NBPF20: variants seen among roughly 807,000 people sequenced by gnomAD.
NBPF20 encodes the protein NBPF family member NBPF20.
Under a neutral mutation model 68.1 loss-of-function variants are expected in NBPF20, and 90 were observed. The ratio of observed to expected loss-of-function variants is 1.32; its 90% CI spans 1.11 to 1.58. The LOEUF (loss-of-function observed/expected upper bound fraction) is 1.58, where lower values mean the gene tolerates loss of function less well. Among genes scored for constraint, NBPF20 ranks in the 40% most tolerant of loss-of-function variants. The pLI is 0.00. For missense variants in NBPF20, 816 were observed against 601.2 expected, an observed-to-expected ratio of 1.36 and a Z score of -3.74; for synonymous variants, 290 against 228.1, an observed-to-expected ratio of 1.27 and a Z score of -2.45.
chr1:145,291,822 G>A lies in NBPF20; in HGVS notation c.16698-53C>T, dbSNP rs1416634913. On this transcript the variant is annotated intron_variant, in intron 137 of 137. Transcript: ENST00000369373. The stretch of plus-strand genomic sequence containing the variant: ...CAGCCAGGGAAAATCAGAAACCACA[G>A]AGCCCCACTAGATTTCAGAAGTCAC... The A allele has an allele frequency of 3.7e-6, 6 of 1,611,556 alleles. No homozygotes were observed. The African/African-American group carries it at 6.7e-5, about 18-fold the overall frequency.
chr1:145,410,102 T>C (rs1662949077), upstream of NBPF20, among the ~76,000 whole-genome samples: 1 of 152,012 alleles, frequency 6.6e-6, no homozygotes, highest in Admixed American at 6.6e-5. Context: ...TAAGAAACTG[T>C]TAGATTTTCA....
upstream of NBPF20, among the ~76,000 whole-genome samples, chr1:145,406,819 A>T (rs1178051498): frequency 7.7e-6 from 1 of 130,064 alleles, no homozygotes; most frequent in Non-Finnish European, 1.6e-5. Context: ...TTGCTGTATT[A>T]TATAGCAAAT....
upstream of NBPF20, among the ~76,000 whole-genome samples, chr1:145,409,219 G>A (rs1553668438): frequency 6.6e-6 from 1 of 151,852 alleles, no homozygotes; most frequent in Non-Finnish European, 1.5e-5. Flanking sequence ...CATCTGTAAT[G>A]TCTCGTAAAT....
the NBPF20 span, among the ~76,000 whole-genome samples, chr1:145,410,787 C>CATAT: frequency 6.7e-4 from 77 of 115,014 alleles, 1 homozygote; most frequent in Non-Finnish European, 1.1e-3. Flanking sequence ...TATACACACA[C>CATAT]ATATATATAC....
At chr1:145,335,038 T>C (rs1661568937) in intron 83 of NBPF20, among the ~76,000 whole-genome samples, 1 of 62,838 alleles carries the variant, frequency 1.6e-5, no homozygotes, top group African/African-American at 5.7e-5. Context: ...TGAGGTATGG[T>C]CAACCTATAG....
intron 9 of NBPF20, 97 bp downstream of exon 14, chr1:145,393,787 A>C (rs1467398355): frequency 7.3e-7 from 1 of 1,369,142 alleles, no homozygotes; most frequent in Non-Finnish European, 1.0e-6. Flanking sequence ...TTGTCTGACA[A>C]GACAAAATCA....
chr1:145,393,220 T>G, exon 10 of NBPF20: 1 of 620,504 alleles, frequency 1.6e-6, no homozygotes, highest in Non-Finnish European at 2.8e-6. Flanking sequence ...TTCAGGCCCT[T>G]TCTCATCCAG....
exon 2 of NBPF20, chr1:145,405,136 T>A: frequency 3.1e-6 from 5 of 1,613,768 alleles, no homozygotes; most frequent in Non-Finnish European, 4.2e-6. Flanking sequence ...GCCGGCCAGT[T>A]GAGTTACAAA....
chr1:145,406,085 A>ATTTT (rs587699811), upstream of NBPF20, among the ~76,000 whole-genome samples: 1 of 117,648 alleles, frequency 8.5e-6, no homozygotes, highest in Non-Finnish European at 1.7e-5. Flanking sequence ...CGCCCGGCTA[A>ATTTT]TTTTTTTTTT....
the NBPF20 span, among the ~76,000 whole-genome samples, chr1:145,416,216 G>C: frequency 1.3e-3 from 184 of 141,822 alleles, 1 homozygote; most frequent in African/African-American, 4.3e-3. Flanking sequence ...AATTTTAATA[G>C]CAGATTTTAA....
Position 145,309,481 on chromosome 1 carries a change from GAC to G in NBPF20, c.13938-235_13938-234del, listed in dbSNP as rs1183681611. 3.5e-4 allele frequency among the ~76,000 whole-genome samples: 25 copies of G among 70,648 alleles called. 1 individual carries two copies. Among genetic ancestry groups the G allele is most frequent in the Non-Finnish European group, 4.9e-4 (18 of 36,602 alleles). The allele number at this position is 70,648 out of a possible 152,430, so 46.3% of individuals were successfully genotyped here. On this transcript the variant is annotated intron_variant, in intron 115 of 137. Transcript: ENST00000369373. ...ACACACACACACACACACACACACA[GAC>G]ACACACACACACACAGAGAGAGAGA...
chr1:145,410,797 C>T, the NBPF20 span, among the ~76,000 whole-genome samples: 50 of 72,888 alleles, frequency 6.9e-4, no homozygotes, highest in Admixed American at 2.2e-3. Flanking sequence ...CATATATATA[C>T]GTATATGTAT....
chr1:145,378,249 C>T (rs1267265583), intron 28 of NBPF20, among the ~76,000 whole-genome samples, 155 bp from the exon 34 acceptor site: 3 of 2,046 alleles, frequency 1.5e-3, no homozygotes, highest in African/African-American at 5.4e-3. Context: ...AGGCTGATCA[C>T]GATAGAGATT....
At chr1:145,395,674 G>C (rs1174248548) in intron 7 of NBPF20, among the ~76,000 whole-genome samples, 1 of 148,712 alleles carries the variant, frequency 6.7e-6, no homozygotes, top group Non-Finnish European at 1.5e-5. Context: ...TAAACACATC[G>C]GAGAGAATAG....
upstream of NBPF20, among the ~76,000 whole-genome samples, chr1:145,410,031 CAG>C (rs1444090827): frequency 9.2e-5 from 14 of 152,108 alleles, no homozygotes; most frequent in Admixed American, 2.0e-4. Flanking sequence ...TGTGCAGACA[CAG>C]TGTGTAAATT....
At chr1:145,403,693 C>G (rs1222107709) in intron 2 of NBPF20, among the ~76,000 whole-genome samples, 1 of 151,970 alleles carries the variant, frequency 6.6e-6, no homozygotes, top group Non-Finnish European at 1.5e-5. Context: ...CTTGTACAGT[C>G]GGGAAGGCCC....
the NBPF20 span, among the ~76,000 whole-genome samples, chr1:145,425,148 G>A: frequency 6.6e-6 from 1 of 152,136 alleles, no homozygotes; most frequent in Admixed American, 6.5e-5. Context: ...CAAGAGATGA[G>A]GGCTGCGGGC....
intron 2 of NBPF20, among the ~76,000 whole-genome samples, chr1:145,404,730 G>T (rs138963699): frequency 4.6e-5 from 7 of 152,156 alleles, no homozygotes; most frequent in African/African-American, 7.2e-5. Flanking sequence ...CTGAATAAAA[G>T]TTCACTAGTC....
At chr1:145,393,458 A>ACACACAC (rs1349838912) in intron 9 of NBPF20, among the ~76,000 whole-genome samples, 2 of 145,160 alleles carry the variant, frequency 1.4e-5, no homozygotes, top group African/African-American at 2.6e-5. Flanking sequence ...CACACACACA[A>ACACACAC]ACACACACAC....
Sources: gnomAD v4.1 joint callset for allele counts (sites outside exome capture counted in the v4.1 genomes callset) on GRCh38, gnomAD v4.1.1 for gene constraint, MANE v1.5 for transcripts, NCBI Gene and HGNC (gene_info 2026-07-23, HGNC 2026-07-21) for gene names.